UCK2: variants seen among roughly 807,000 people sequenced by gnomAD.
The protein encoded by UCK2 is cytidine monophosphokinase 2.
Under a neutral mutation model 30.8 loss-of-function variants are expected in UCK2, and 6 were observed. The observed-to-expected ratio is 0.19, with a 90% CI of 0.11 to 0.38. The LOEUF (loss-of-function observed/expected upper bound fraction) is 0.38. UCK2 is among the 10% of genes least tolerant of loss of function. UCK2 has a pLI of 1.00. For synonymous variants in UCK2, 125 were observed against 133.6 expected, an observed-to-expected ratio of 0.94 and a Z score of 0.45; for missense variants, 210 against 339.8, an observed-to-expected ratio of 0.62 and a Z score of 3.00.
At chr1:165,896,933 A>G (rs1647280872) in intron 4 of UCK2, among the ~76,000 whole-genome samples, 1 of 152,226 alleles carries the variant, frequency 6.6e-6, no homozygotes, top group Non-Finnish European at 1.5e-5. Context: ...GCCCCTTGGT[A>G]GAGGAGCCCA....
rs1449631300 is a variant in UCK2 at position 165,909,970 on chromosome 1, A to G, written c.*2147A>G. ...CTGCCTTGGAAGATGGACTCCTCTC[A>G]TCTCTGAGCCTTTACCTAGCTGCTT... On this transcript the variant is annotated 3_prime_UTR_variant, in exon 7 of 7. Transcript: ENST00000367879. The G allele has an allele frequency of 2.0e-5, 3 of 152,280 alleles. No individual in the cohort carries two copies. Among genetic ancestry groups the G allele is most frequent in the Non-Finnish European group, 4.4e-5 (3 of 68,090 alleles). 9.4% of individuals were successfully genotyped at this position (152,280 alleles called of 1,614,324 possible).
At chr1:165,836,012 T>C (rs1654179833) in intron 1 of UCK2, among the ~76,000 whole-genome samples, 1 of 152,144 alleles carries the variant, frequency 6.6e-6, no homozygotes, top group African/African-American at 2.4e-5. Context: ...GCAGATTACC[T>C]AAGGTCAGGA....
intron 1 of UCK2, among the ~76,000 whole-genome samples, chr1:165,835,847 A>G (rs745898951): frequency 2.6e-5 from 4 of 152,202 alleles, no homozygotes; most frequent in Non-Finnish European, 5.9e-5. Context: ...GTATACATTA[A>G]AATTTTATTT....
chr1:165,860,676 CTGAGCTCAAG>C (rs1654873285), intron 1 of UCK2, among the ~76,000 whole-genome samples: 1 of 152,294 alleles, frequency 6.6e-6, no homozygotes, highest in Non-Finnish European at 1.5e-5. Flanking sequence ...TCTGGAACTC[CTGAGCTCAAG>C]TGATTCATAC....
At chr1:165,903,657 G>A (rs561408860) in intron 5 of UCK2, among the ~76,000 whole-genome samples, 2 of 152,312 alleles carry the variant, frequency 1.3e-5, no homozygotes, top group South Asian at 2.1e-4. Flanking sequence ...AATGGGTGAC[G>A]TATGGATGCA....
At chr1:165,852,507 A>T (rs1654622779) in intron 1 of UCK2, among the ~76,000 whole-genome samples, 1 of 152,220 alleles carries the variant, frequency 6.6e-6, no homozygotes, top group Non-Finnish European at 1.5e-5. Flanking sequence ...AATCAAAACC[A>T]CAATGAGATA....
In UCK2 at chr1:165,882,655, T is replaced by C. The variant is rs188488798; in HGVS notation, c.100-7549T>C. On this transcript the variant is annotated intron_variant, in intron 1 of 6. Transcript: ENST00000367879. ...AATCCTCTAGAGGGGACTAATGCAG[T>C]GTCCTCTCATGGCAGAAGAGCAGAA... Among the ~76,000 whole-genome samples the C allele has an allele frequency of 2.0e-5, 3 of 152,192 alleles. No individual in the cohort carries two copies. In the East Asian group the frequency reaches 5.8e-4, roughly 29 times the overall value.
chr1:165,896,058 CTTTAGCCCCCGCTTGAAGTCTGT>C, intron 3 of UCK2, 109 bp from the exon 4 acceptor site: 1 of 1,198,426 alleles, frequency 8.3e-7, no homozygotes. Context: ...TTAGCCAAGT[CTTTAGCCCCCGCTTGAAGTCTGT>C]GGGGGCAAGG....
At chr1:165,849,212 G>C (rs1446792966) in intron 1 of UCK2, among the ~76,000 whole-genome samples, 8 of 152,198 alleles carry the variant, frequency 5.3e-5, no homozygotes, top group African/African-American at 1.9e-4. Flanking sequence ...TACCCAGAGT[G>C]GGGGAAGGGG....
At chr1:165,882,488 A>G (rs1432201494) in intron 1 of UCK2, among the ~76,000 whole-genome samples, 2 of 152,218 alleles carry the variant, frequency 1.3e-5, no homozygotes, top group Non-Finnish European at 2.9e-5. Context: ...CTGTAACAAA[A>G]TACCTGACAC....
At chr1:165,903,321 T>A in intron 5 of UCK2, 42 bp downstream of exon 5, 1 of 1,573,768 alleles carries the variant, frequency 6.4e-7, no homozygotes, top group Non-Finnish European at 8.7e-7. Flanking sequence ...ATGTAGAATT[T>A]AAAATTTGAT....
chr1:165,905,879 C>T, intron 5 of UCK2, 42 bp from the exon 6 acceptor site: 1 of 1,600,010 alleles, frequency 6.2e-7, no homozygotes, highest in South Asian at 1.1e-5. Context: ...GGCCAGTTGT[C>T]TCTTAACTGT....
intron 1 of UCK2, among the ~76,000 whole-genome samples, chr1:165,860,827 C>T (rs1224942740): frequency 6.6e-6 from 1 of 152,028 alleles, no homozygotes; most frequent in African/African-American, 2.4e-5. Context: ...TCCTTAGAGC[C>T]GTGGTGGTCA....
chr1:165,834,732 T>G (rs866961086), intron 1 of UCK2, among the ~76,000 whole-genome samples: 4 of 152,188 alleles, frequency 2.6e-5, no homozygotes, highest in African/African-American at 7.2e-5. Context: ...TTTTTTTGTT[T>G]TTTTTAAAGC....
chr1:165,836,887 T>G (rs555955214), intron 1 of UCK2, among the ~76,000 whole-genome samples: 1 of 152,180 alleles, frequency 6.6e-6, no homozygotes, highest in Non-Finnish European at 1.5e-5. Context: ...GGCTAAGAAG[T>G]CCAAGATTGA....
intron 1 of UCK2, among the ~76,000 whole-genome samples, chr1:165,867,655 A>G (rs1655080224): frequency 6.6e-6 from 1 of 152,204 alleles, no homozygotes; most frequent in Admixed American, 6.5e-5. Context: ...ATTTGTTCAC[A>G]TTTTATTATG....
At chr1:165,837,855 G>T (rs940181113) in intron 1 of UCK2, among the ~76,000 whole-genome samples, 4 of 152,010 alleles carry the variant, frequency 2.6e-5, no homozygotes, top group Non-Finnish European at 5.9e-5. Flanking sequence ...CCCCTTGAAC[G>T]TGCTCAATCT....
intron 4 of UCK2, among the ~76,000 whole-genome samples, chr1:165,901,136 G>A (rs1048152792): frequency 1.3e-5 from 2 of 152,196 alleles, no homozygotes; most frequent in African/African-American, 2.4e-5. Flanking sequence ...GTCGGCAGCA[G>A]GAGCCCAGGT....
At chr1:165,881,208 A>G (rs1158944315) in intron 1 of UCK2, among the ~76,000 whole-genome samples, 1 of 137,246 alleles carries the variant, frequency 7.3e-6, no homozygotes, top group Non-Finnish European at 1.6e-5. Context: ...AAAAAAAAAG[A>G]GATGATGTAG....
Sources: allele counts gnomAD v4.1 joint callset (sites outside exome capture counted in the v4.1 genomes callset), GRCh38; gene constraint gnomAD v4.1.1; transcripts MANE v1.5; gene names NCBI Gene and HGNC (gene_info 2026-07-23, HGNC 2026-07-21).